Variants in CCND3 observed in about 807,000 individuals in gnomAD.
The protein encoded by CCND3 is G1/S-specific cyclin-D3.
CCND3 carries 9 observed loss-of-function variants against 28.7 expected under a neutral mutation model. The observed-to-expected ratio is 0.31, with a 90% confidence interval of 0.19 to 0.55. The LOEUF is 0.55. Among genes scored for constraint, CCND3 ranks in the 20% least tolerant of loss-of-function variants. The pLI, the probability that CCND3 is intolerant of heterozygous loss-of-function variation, is 0.93. For missense variants in CCND3, 315 were observed against 385.8 expected (o/e 0.82, Z 1.54); for synonymous variants, 164 against 163.9 (o/e 1.00, Z 0.00).
chr6:41,946,186 C>G (rs185692090), upstream of CCND3, among the ~76,000 whole-genome samples: 135 of 152,002 alleles, frequency 8.9e-4, 1 homozygote, highest in Middle Eastern at 0.01. Flanking sequence ...AACAGTAGTA[C>G]CCCCCCACAG....
rs1261808027 is a variant in CCND3, at chr6:41,941,733, TCTGGCG to T, written c.-90_-85del. Reference sequence around the variant, plus strand: ...CGGGCCGGAGAGCGCGGGGCGCGGGTCTGGCGCTGGCGCTGGCACTGCGCGGCGGAT... The same window carrying T: ...CGGGCCGGAGAGCGCGGGGCGCGGGTCTGGCGCTGGCACTGCGCGGCGGAT... On this transcript the variant is annotated 5_prime_UTR_variant, in exon 1 of 5. Transcript: ENST00000372991. The surrounding 1 kb of genome is among the most constrained non-coding windows in gnomAD (Gnocchi z 6.1). 2 of 1,049,242 alleles carry T rather than the reference TCTGGCG, an allele frequency of 1.9e-6. No homozygotes were observed. The highest frequency in any genetic ancestry group is 3.2e-5 in the South Asian group (1 of 31,242). The allele number at this position is 1,049,242 out of a possible 1,614,324, so 65.0% of individuals were successfully genotyped here. A position where few individuals can be genotyped will look rare whatever the true frequency, so the allele number is the denominator to read the frequency against.
chr6:42,048,707 C>A lies in CCND3; in HGVS notation c.-252G>T, dbSNP rs775930248. On this transcript the variant is annotated 5_prime_UTR_variant, in exon 1 of 5. Transcript: ENST00000372988. This position sits in a 1 kb window ranked among gnomAD's most constrained non-coding sequence, Gnocchi z 4.7. Reference sequence around the variant, plus strand: ...AGTGTTTACAAAGTCCGCGCCGCGCCGCCGATCCAGAGCTGGGCAGGAAGT... The same window carrying A: ...AGTGTTTACAAAGTCCGCGCCGCGCAGCCGATCCAGAGCTGGGCAGGAAGT... 3.9e-6 allele frequency: 2 copies of A among 514,874 alleles called. No individual in the cohort carries two copies. The highest frequency in any genetic ancestry group is 7.7e-6 in the Non-Finnish European group (2 of 258,288). The allele number at this position is 514,874 out of a possible 1,614,324, so 31.9% of individuals were successfully genotyped here. A position where few individuals can be genotyped will look rare whatever the true frequency, so the allele number is the denominator to read the frequency against.
intron 1 of CCND3, among the ~76,000 whole-genome samples, chr6:41,951,576 A>ACAC (rs1491199819): frequency 1.2e-4 from 12 of 100,644 alleles, no homozygotes; most frequent in South Asian, 4.6e-4. Flanking sequence ...ACACACACAC[A>ACAC]AAAAAAAAGA....
At chr6:41,992,969 T>C (rs1582140142) in intron 1 of CCND3, among the ~76,000 whole-genome samples, 1 of 152,304 alleles carries the variant, frequency 6.6e-6, no homozygotes, top group East Asian at 1.9e-4. Flanking sequence ...AGTGCAGTTG[T>C]ACAATCATAG....
intron 1 of CCND3, among the ~76,000 whole-genome samples, chr6:41,964,463 AGTGTGTGTGTGAGTGTGTGTGAAT>A (rs1274778295): frequency 4.8e-5 from 7 of 146,112 alleles, no homozygotes; most frequent in Admixed American, 1.4e-4. Context: ...TCTGTGTGTG[AGTGTGTGTGTGAGTGTGTGTGAAT>A]GTGTGTGTGT....
chr6:41,982,881 C>CAAAAAAAAAAA, intron 1 of CCND3, among the ~76,000 whole-genome samples: 1 of 94,428 alleles, frequency 1.1e-5, no homozygotes, highest in Non-Finnish European at 2.2e-5. Flanking sequence ...CATCCACATG[C>CAAAAAAAAAAA]AAAAAAAAAA....
intron 1 of CCND3, among the ~76,000 whole-genome samples, chr6:42,038,933 C>T (rs1764298957): frequency 6.6e-6 from 1 of 152,180 alleles, no homozygotes; most frequent in Non-Finnish European, 1.5e-5. Context: ...TAGTTGAAAC[C>T]TTTCTTGAGG....
intron 1 of CCND3, among the ~76,000 whole-genome samples, chr6:42,002,819 A>C (rs543476854): frequency 6.6e-6 from 1 of 151,778 alleles, no homozygotes; most frequent in East Asian, 1.9e-4. Flanking sequence ...ACGATACTGC[A>C]CTCCAGCCTG....
At position 41,941,297 on chromosome 6, in the gene CCND3, G is replaced by C; in HGVS notation, c.198+155C>G. 1 of 1,450,874 alleles carries C rather than the reference G, an allele frequency of 6.9e-7. No individual in the cohort carries two copies. Among genetic ancestry groups the C allele is most frequent in the South Asian group, 1.4e-5 (1 of 69,012 alleles). The allele number at this position is 1,450,874 out of a possible 1,614,324, so 89.9% of individuals were successfully genotyped here. A position where few individuals can be genotyped will look rare whatever the true frequency, so the allele number is the denominator to read the frequency against. On this transcript the variant is annotated intron_variant, in intron 1 of 4. Transcript: ENST00000372991. This position sits in a 1 kb window ranked among gnomAD's most constrained non-coding sequence, Gnocchi z 6.1. ...AGGGCTCGGGAAAGCAAGGGAGGCAGCTGGCGTGGGTGCCCTAGTGAAAGG... is the reference window on the plus strand; with the variant it reads ...AGGGCTCGGGAAAGCAAGGGAGGCACCTGGCGTGGGTGCCCTAGTGAAAGG...
chr6:41,962,146 G>T (rs1424363371), intron 1 of CCND3, among the ~76,000 whole-genome samples: 2 of 151,908 alleles, frequency 1.3e-5, no homozygotes, highest in Non-Finnish European at 2.9e-5. Flanking sequence ...TGTCGCCCAG[G>T]CTGGAGTGTA....
intron 1 of CCND3, among the ~76,000 whole-genome samples, chr6:42,046,646 A>ACG (rs943174250): frequency 5.9e-5 from 9 of 152,174 alleles, no homozygotes; most frequent in East Asian, 3.9e-4. Flanking sequence ...GCACGCACAC[A>ACG]CGCGCGCGCA....
chr6:42,001,358 T>A (rs187195058), intron 1 of CCND3, among the ~76,000 whole-genome samples: 1 of 151,708 alleles, frequency 6.6e-6, no homozygotes, highest in Non-Finnish European at 1.5e-5. Context: ...ATCCCAAATG[T>A]CTATCAACAA....
chr6:42,048,458 C>T lies in CCND3; in HGVS notation c.-46+43G>A, dbSNP rs1374779602. 4.2e-6 allele frequency: 2 copies of T among 472,540 alleles called. No individual in the cohort carries two copies. The highest frequency in any genetic ancestry group is 4.5e-5 in the Admixed American group (2 of 44,052). The allele number at this position is 472,540 out of a possible 1,614,324, so 29.3% of individuals were successfully genotyped here. ...CCCAACGCATGGTCTCCAGCCTGAG[C>T]TGACATCCCATCTACCCCGGTTTCT... On this transcript the variant is annotated intron_variant, in intron 1 of 4. Transcript: ENST00000372988. The surrounding 1 kb of genome is among the most constrained non-coding windows in gnomAD (Gnocchi z 4.7).
intron 1 of CCND3, among the ~76,000 whole-genome samples, chr6:42,001,087 T>A (rs1762996387): frequency 6.6e-6 from 1 of 151,132 alleles, no homozygotes; most frequent in African/African-American, 2.4e-5. Flanking sequence ...AATACAAAAA[T>A]TTAGCCAGGC....
rs1561958126 is a variant in CCND3 at position 41,951,563 on chromosome 6, C to CAA, written c.-45-10979_-45-10978insTT. Among the ~76,000 whole-genome samples the CAA allele has an allele frequency of 2.6e-5, 2 of 77,016 alleles. 1 individual carries two copies. 50.5% of individuals were successfully genotyped at this position (77,016 alleles called of 152,430 possible). ...AGCGACACACACACACACACACACACACACACACACACAAAAAAAAAGATT... is the reference window on the plus strand; with the variant it reads ...AGCGACACACACACACACACACACACAAACACACACACACAAAAAAAAAGATT... On this transcript the variant is annotated intron_variant, in intron 1 of 4. Coordinates refer to the CCND3 transcript ENST00000372988.
chr6:41,964,478 GTGTGTGAA>G (rs1424187053), intron 1 of CCND3, among the ~76,000 whole-genome samples: 6,750 of 115,016 alleles, frequency 0.059, 283 homozygotes, highest in African/African-American at 0.14. Flanking sequence ...GTGTGTGAGT[GTGTGTGAA>G]TGTGTGTGTG....
chr6:41,974,384 G>C (rs948676317), intron 1 of CCND3, among the ~76,000 whole-genome samples: 5 of 152,120 alleles, frequency 3.3e-5, no homozygotes, highest in African/African-American at 4.8e-5. Flanking sequence ...TCCATCTCAG[G>C]TGGGCTTTCT....
chr6:41,996,110 T>TAG (rs1396323347), intron 1 of CCND3, among the ~76,000 whole-genome samples: 1 of 97,168 alleles, frequency 1.0e-5, no homozygotes, highest in Non-Finnish European at 2.2e-5. Context: ...TCTGCTCTCA[T>TAG]ATATATATAT....
chr6:42,004,721 C>T (rs1004797134), intron 1 of CCND3, among the ~76,000 whole-genome samples: 5 of 152,010 alleles, frequency 3.3e-5, no homozygotes, highest in Admixed American at 2.0e-4. Context: ...CAGAGTGAGA[C>T]TCCATTTCAG....
Sources: allele counts gnomAD v4.1 joint callset (sites outside exome capture counted in the v4.1 genomes callset), GRCh38; gene constraint gnomAD v4.1.1; non-coding constraint Gnocchi (gnomAD v3.1); transcripts MANE v1.5; gene names NCBI Gene and HGNC (gene_info 2026-07-23, HGNC 2026-07-21).